IDH3B: variants seen among roughly 807,000 people sequenced by gnomAD.
The protein encoded by IDH3B is isocitrate dehydrogenase (NAD(+)) 3 non-catalytic subunit beta, also known as isocitrate dehydrogenase [NAD] subunit beta, mitochondrial.
A neutral mutation model predicts 47.5 loss-of-function variants in IDH3B; 40 were observed. That is an observed-to-expected ratio of 0.84 (90% CI 0.65 to 1.10). The LOEUF (loss-of-function observed/expected upper bound fraction) is 1.10. Among genes scored for constraint, IDH3B ranks in the 50% least tolerant of loss-of-function variants. The pLI, the probability that IDH3B is intolerant of heterozygous loss-of-function variation, is 0.00. For missense variants in IDH3B, 450 were observed against 505.2 expected (o/e 0.89, Z 1.05); for synonymous variants, 185 against 191.0 (o/e 0.97, Z 0.26).
Position 2,658,503 on chromosome 20 carries a change from C to A in IDH3B, c.*248G>T. On this transcript the variant is annotated 3_prime_UTR_variant, in exon 12 of 12. Coordinates refer to ENST00000380843, the MANE Select transcript of IDH3B (RefSeq NM_006899.5). ...GAAGTCATGGCAAGTAGCATAGCCA[C>A]CCATGTCAGAGGTTCGAACCTGTGG... 6.2e-7 allele frequency: 1 copy of A among 1,614,102 alleles called. No individual in the cohort carries two copies. Among genetic ancestry groups the A allele is most frequent in the Non-Finnish European group, 8.5e-7 (1 of 1,180,006 alleles).
chr20:2,658,553 G>A lies in IDH3B; in HGVS notation c.*198C>T. On this transcript the variant is annotated 3_prime_UTR_variant, in exon 12 of 12. Coordinates refer to ENST00000380843, the MANE Select transcript of IDH3B (RefSeq NM_006899.5). ...GGGGAGAATCATCATCATCCATGTG[G>A]CCTGGGCTCCATCCTAACAATCCCC... 6.2e-7 allele frequency: 1 copy of A among 1,613,264 alleles called. No homozygotes were observed. The highest frequency in any genetic ancestry group is 1.1e-5 in the South Asian group (1 of 90,856).
intron 4 of IDH3B, among the ~76,000 whole-genome samples, chr20:2,663,150 A>C (rs1275604628): frequency 6.6e-6 from 1 of 151,870 alleles, no homozygotes; most frequent in Non-Finnish European, 1.5e-5. Flanking sequence ...AGGGGAAAAA[A>C]AAAAAAAGAA....
Position 2,658,623 on chromosome 20 carries a change from C to A in IDH3B, c.*128G>T. 6.2e-7 allele frequency: 1 copy of A among 1,613,488 alleles called. No homozygotes were observed. The highest frequency in any genetic ancestry group is 8.5e-7 in the Non-Finnish European group (1 of 1,179,718). ...TCCCCTAAGGAAGCCGGCCCAAGGA[C>A]AACCTAGGCTCTACCCAGCAAGGTG... On this transcript the variant is annotated 3_prime_UTR_variant, in exon 12 of 12. Coordinates refer to ENST00000380843, the MANE Select transcript of IDH3B (RefSeq NM_006899.5).
intron 11 of IDH3B, 76 bp from the exon 12 acceptor site, chr20:2,658,913 A>C: frequency 1.3e-6 from 2 of 1,599,694 alleles, no homozygotes; most frequent in South Asian, 2.2e-5. Context: ...AATGTGATTG[A>C]GGAAATGGAA....
In IDH3B at chr20:2,660,807, T is replaced by C. The variant is rs375461838; in HGVS notation, c.421A>G (p.Asn141Asp). 36 of 1,614,058 alleles carry C rather than the reference T, an allele frequency of 2.2e-5. No individual in the cohort carries two copies. Among genetic ancestry groups the C allele is most frequent in the Non-Finnish European group, 2.9e-5 (34 of 1,180,044 alleles). ...RLRRKLDLFA[N>D]VVHVKSLPGY... Reference sequence around the variant, plus strand: ...GGAAGTGACTTCACATGGACTACGTTGGCAAATAAGTCCAACTTACGCCTG... The same window carrying C: ...GGAAGTGACTTCACATGGACTACGTCGGCAAATAAGTCCAACTTACGCCTG... The change falls in exon 6 of 12, where the codon AAC becomes GAC. Residue 141 changes from asparagine (N) to aspartate (D), a missense_variant. Physicochemically the swap from Asn to Asp is conservative, Grantham distance 23. Transcript: ENST00000380843. The surrounding 1 kb of genome is among the most constrained non-coding windows in gnomAD (Gnocchi z 5.6).
chr20:2,658,954 C>A, intron 11 of IDH3B, 117 bp from the exon 12 acceptor site: 1 of 1,530,266 alleles, frequency 6.5e-7, no homozygotes, highest in Non-Finnish European at 8.7e-7. Context: ...AGAAAAAAGG[C>A]AATGCACAGG....
chr20:2,659,185 A>ATCAC (rs2086888024), intron 11 of IDH3B: 1 of 1,435,246 alleles, frequency 7.0e-7, no homozygotes, highest in African/African-American at 1.4e-5. Flanking sequence ...CGTGAAGGTG[A>ATCAC]AGCTGATGCT....
Position 2,660,895 on chromosome 20 carries a change from C to T in IDH3B, c.398+14G>A. The T allele has an allele frequency of 6.2e-7, 1 of 1,614,198 alleles. No individual in the cohort carries two copies. The highest frequency in any genetic ancestry group is 8.5e-7 in the Non-Finnish European group (1 of 1,180,026). Reference sequence around the variant, plus strand: ...TGGCACCTCTCAACCATTCACCCCACCCAGACCACCTACCTCAGCCGCATA... The same window carrying T: ...TGGCACCTCTCAACCATTCACCCCATCCAGACCACCTACCTCAGCCGCATA... On this transcript the variant is annotated intron_variant, in intron 5 of 11. Coordinates refer to ENST00000380843, the MANE Select transcript of IDH3B (RefSeq NM_006899.5). This position sits in a 1 kb window ranked among gnomAD's most constrained non-coding sequence, Gnocchi z 5.6.
chr20:2,664,168 G>T lies in IDH3B; in HGVS notation c.21C>A (p.Val7=), dbSNP rs142251401. The change falls in exon 1 of 12, where the codon GTC becomes GTA. Residue 7 remains valine (V), a synonymous_variant. Transcript: ENST00000380843. The part of the protein sequence containing the change: MAALSG[V]RWLTRALVSA... Reference sequence around the variant, plus strand: ...GGGGCCTCACTCGGGTCAGCCAGCGGACTCCGCTCAATGCCGCCATGTTTC... The same window carrying T: ...GGGGCCTCACTCGGGTCAGCCAGCGTACTCCGCTCAATGCCGCCATGTTTC... 6.2e-7 allele frequency: 1 copy of T among 1,613,636 alleles called. No homozygotes were observed. Among genetic ancestry groups the T allele is most frequent in the Admixed American group, 1.7e-5 (1 of 59,966 alleles).
In IDH3B at chr20:2,659,261, C is replaced by A. The variant is rs1345265443; in HGVS notation, c.1071+264G>T. ...AGCTGCAAGTTCTGCATTCAGATGG[C>A]CCATGAAAAGGGCAGTGGATGGAGC... On this transcript the variant is annotated intron_variant, in intron 11 of 11. Coordinates refer to ENST00000380843, the MANE Select transcript of IDH3B (RefSeq NM_006899.5). The A allele has an allele frequency of 2.1e-6, 3 of 1,448,106 alleles. No homozygotes were observed. The African/African-American group carries it at 4.3e-5, about 21-fold the overall frequency. 89.7% of individuals were successfully genotyped at this position (1,448,106 alleles called of 1,614,324 possible). A position where few individuals can be genotyped will look rare whatever the true frequency, so the allele number is the denominator to read the frequency against.
Position 2,660,019 on chromosome 20 carries a change from A to G in IDH3B, c.915+11T>C. ...GGTCAGAGGAAGGGCCGAGGGAGAA[A>G]GCAGCCTCACCGTCTCAAAGACTGC... On this transcript the variant is annotated intron_variant, in intron 9 of 11. Transcript: ENST00000380843. This position sits in a 1 kb window ranked among gnomAD's most constrained non-coding sequence, Gnocchi z 5.6. 4 of 1,614,000 alleles carry G rather than the reference A, an allele frequency of 2.5e-6. No individual in the cohort carries two copies. The highest frequency in any genetic ancestry group is 2.7e-5 in the African/African-American group (2 of 74,984).
chr20:2,658,491 G>A lies in IDH3B; in HGVS notation c.*260C>T. ...GACAGCCTCAGTGAAGTCATGGCAA[G>A]TAGCATAGCCACCCATGTCAGAGGT... On this transcript the variant is annotated 3_prime_UTR_variant, in exon 12 of 12. Transcript: ENST00000380843. The A allele has an allele frequency of 6.2e-7, 1 of 1,614,170 alleles. No homozygotes were observed. The highest frequency in any genetic ancestry group is 8.5e-7 in the Non-Finnish European group (1 of 1,180,034).
chr20:2,659,924 TG>T, intron 9 of IDH3B, 105 bp downstream of exon 9: 1 of 1,508,214 alleles, frequency 6.6e-7, no homozygotes, highest in Non-Finnish European at 9.2e-7. Context: ...GTGGGCAGCG[TG>T]GGGGAAGAAC....
chr20:2,662,120 G>A (rs1353319335), intron 4 of IDH3B, among the ~76,000 whole-genome samples: 1 of 152,190 alleles, frequency 6.6e-6, no homozygotes, highest in Non-Finnish European at 1.5e-5. Context: ...ATTTCAGACT[G>A]ATGGCCTCCA....
At position 2,664,003 on chromosome 20, in the gene IDH3B, C is replaced by T; in HGVS notation, c.39G>A (p.Ala13=). 6.2e-7 allele frequency: 1 copy of T among 1,614,096 alleles called. No homozygotes were observed. The highest frequency in any genetic ancestry group is 1.3e-5 in the African/African-American group (1 of 75,054). ...CCCCAGGGTTCCCGGCGGAGACCAG[C>T]GCCTGCAACAGGGACACACAAGCCT... ...ALSGVRWLTR[A]LVSAGNPGAW... is the part of the protein sequence containing the mutation. The change falls in exon 2 of 12, where the codon GCG becomes GCA. Residue 13 remains alanine (A), a splice_region_variant and synonymous_variant. Transcript: ENST00000380843.
At chr20:2,659,922 C>T (rs761144508) in intron 9 of IDH3B, 108 bp downstream of exon 9, 19 of 1,498,416 alleles carry the variant, frequency 1.3e-5, no homozygotes, top group East Asian at 6.8e-5. Flanking sequence ...TGGTGGGCAG[C>T]GTGGGGGAAG....
intron 4 of IDH3B, among the ~76,000 whole-genome samples, 183 bp from the exon 5 acceptor site, chr20:2,661,152 A>G: frequency 6.6e-6 from 1 of 151,016 alleles, no homozygotes; most frequent in Non-Finnish European, 1.5e-5. Context: ...AGTTAAAGCC[A>G]GAAACATTTC....
chr20:2,661,046 T>A (rs2086938173), intron 4 of IDH3B, 77 bp from the exon 5 acceptor site: 1 of 1,234,978 alleles, frequency 8.1e-7, no homozygotes, highest in Admixed American at 1.7e-5. Flanking sequence ...TCTAACCCCC[T>A]TAGGAACATC....
rs1309412214 is a variant in IDH3B at position 2,660,870 on chromosome 20, T to C, written c.398+39A>G. ...GCCATCAGCTCTGCTCCTGGTGCCC[T>C]GGCACCTCTCAACCATTCACCCCAC... On this transcript the variant is annotated intron_variant, in intron 5 of 11. Transcript: ENST00000380843. The surrounding 1 kb of genome is among the most constrained non-coding windows in gnomAD (Gnocchi z 5.6). 1.2e-6 allele frequency: 2 copies of C among 1,614,190 alleles called. No homozygotes were observed. The highest frequency in any genetic ancestry group is 1.7e-6 in the Non-Finnish European group (2 of 1,180,006).
Sources: allele counts gnomAD v4.1 joint callset (sites outside exome capture counted in the v4.1 genomes callset), GRCh38; gene constraint gnomAD v4.1.1; non-coding constraint Gnocchi (gnomAD v3.1); transcripts MANE v1.5; gene names NCBI Gene and HGNC (gene_info 2026-07-23, HGNC 2026-07-21).